Variants in PTTG1 observed in about 807,000 individuals in gnomAD.
PTTG1 encodes the protein securin.
PTTG1 carries 8 observed loss-of-function variants against 20.0 expected under a neutral mutation model. The observed-to-expected ratio is 0.40, with a 90% CI of 0.23 to 0.72. PTTG1 has a LOEUF of 0.72. Ranked by LOEUF, PTTG1 falls within the 30% of genes least tolerant of loss-of-function variation. PTTG1 has a pLI of 0.38. For synonymous variants in PTTG1, 79 were observed against 87.2 expected (o/e 0.91, Z 0.52); for missense variants, 197 against 236.0 (o/e 0.83, Z 1.08).
At chr5:160,428,485 T>C in intron 5 of PTTG1, 117 bp from the exon 6 acceptor site, 2 of 869,542 alleles carry the variant, frequency 2.3e-6, no homozygotes, top group Non-Finnish European at 3.8e-6. Flanking sequence ...GGGATGCAGG[T>C]GATTGATTTG....
chr5:160,424,378 T>G, intron 4 of PTTG1, 48 bp downstream of exon 4: 1 of 1,324,944 alleles, frequency 7.5e-7, no homozygotes, highest in Non-Finnish European at 1.1e-6. Context: ...TTTAGTTTCT[T>G]AGTATTCAGC....
At chr5:160,424,360 T>C (rs756557349) in intron 4 of PTTG1, 30 bp downstream of exon 4, 7 of 1,487,134 alleles carry the variant, frequency 4.7e-6, no homozygotes, top group Non-Finnish European at 5.6e-6. Flanking sequence ...CGAAAAGTGC[T>C]TTTGGCCTTT....
intron 4 of PTTG1, among the ~76,000 whole-genome samples, 184 bp from the exon 5 acceptor site, chr5:160,427,531 A>G (rs539108657): frequency 6.6e-6 from 1 of 152,328 alleles, no homozygotes; most frequent in Non-Finnish European, 1.5e-5. Flanking sequence ...AGGCACCAGC[A>G]GCTTTCTCCA....
At chr5:160,422,592 C>T in intron 2 of PTTG1, 117 bp from the exon 3 acceptor site, 2 of 1,212,280 alleles carry the variant, frequency 1.6e-6, no homozygotes, top group Non-Finnish European at 2.4e-6. Context: ...ATAGCCATGC[C>T]ACTACCAAAA....
At chr5:160,422,249 A>G (rs1202248346) in intron 1 of PTTG1, 53 bp from the exon 2 acceptor site, 3 of 1,337,778 alleles carry the variant, frequency 2.2e-6, no homozygotes, top group African/African-American at 2.9e-5. Flanking sequence ...ATGTTGCTAT[A>G]CCTTTGCTTC....
In PTTG1 at chr5:160,427,770, T is replaced by C. The variant is rs1446769703; in HGVS notation, c.426T>C (p.Ser142=). 2 of 1,614,134 alleles carry C rather than the reference T, an allele frequency of 1.2e-6. No homozygotes were observed. Among genetic ancestry groups the C allele is most frequent in the Admixed American group, 1.7e-5 (1 of 60,026 alleles). Residue 142 remains serine, a synonymous_variant, in exon 5 of 6, where the codon AGT becomes AGC. Transcript: ENST00000352433. ...EEHQIAHLPL[S]GVPLMILDEE... ...ACCAGATTGCGCACCTCCCCTTGAG[T>C]GGAGTGCCTCTCATGATCCTTGACG...
chr5:160,424,535 G>A, intron 4 of PTTG1: 2 of 493,428 alleles, frequency 4.1e-6, no homozygotes, highest in Non-Finnish European at 7.2e-6. Context: ...GAACAAAGAT[G>A]TAGAAGACAT....
chr5:160,425,025 A>G (rs1347573359), intron 4 of PTTG1, among the ~76,000 whole-genome samples: 1 of 152,208 alleles, frequency 6.6e-6, no homozygotes, highest in Non-Finnish European at 1.5e-5. Context: ...AAGAGACTAA[A>G]GTGGTTCTAG....
intron 3 of PTTG1, among the ~76,000 whole-genome samples, chr5:160,423,579 C>G (rs778042177): frequency 1.1e-4 from 17 of 152,180 alleles, no homozygotes; most frequent in Non-Finnish European, 2.5e-4. Context: ...ATATTAAATA[C>G]AGGAATTGCA....
At chr5:160,424,740 G>T in intron 4 of PTTG1, 1 of 154,484 alleles carries the variant, frequency 6.5e-6, no homozygotes, top group Non-Finnish European at 1.4e-5. Flanking sequence ...GTGAAGACAT[G>T]TTTTTCAAAT....
At chr5:160,421,963 C>CGGCTGG in intron 1 of PTTG1, 72 bp downstream of exon 1, 1 of 176,222 alleles carries the variant, frequency 5.7e-6, no homozygotes, top group South Asian at 9.7e-5. Flanking sequence ...GCTGCGGCTG[C>CGGCTGG]GGCTGGGGCT....
chr5:160,421,985 T>G, intron 1 of PTTG1, 94 bp downstream of exon 1: 1 of 199,934 alleles, frequency 5.0e-6, no homozygotes, highest in African/African-American at 2.3e-5. Flanking sequence ...AAGCTGGGGC[T>G]GGGGTTGGGG....
chr5:160,422,490 A>AT, intron 2 of PTTG1, 87 bp downstream of exon 2: 1 of 1,235,768 alleles, frequency 8.1e-7, no homozygotes. Context: ...TTTTTGGGCA[A>AT]TTGGAGTCGT....
chr5:160,425,835 A>G (rs1328981972), intron 4 of PTTG1, among the ~76,000 whole-genome samples: 1 of 152,300 alleles, frequency 6.6e-6, no homozygotes, highest in East Asian at 1.9e-4. Flanking sequence ...GTAAAAGAGC[A>G]GACTAATTCT....
chr5:160,422,587 C>A, intron 2 of PTTG1, 122 bp from the exon 3 acceptor site: 1 of 1,167,474 alleles, frequency 8.6e-7, no homozygotes, highest in Non-Finnish European at 1.3e-6. Context: ...CTATCATAGC[C>A]ATGCCACTAC....
chr5:160,425,511 T>C (rs1765788428), intron 4 of PTTG1, among the ~76,000 whole-genome samples: 1 of 152,262 alleles, frequency 6.6e-6, no homozygotes, highest in African/African-American at 2.4e-5. Context: ...GTCTGCTTCC[T>C]CCAGGTTCAC....
intron 4 of PTTG1, among the ~76,000 whole-genome samples, chr5:160,426,543 G>T (rs1347833648): frequency 6.6e-6 from 1 of 152,024 alleles, no homozygotes; most frequent in Non-Finnish European, 1.5e-5. Context: ...AAAATCCATT[G>T]GTCTATTTTG....
At position 160,422,848 on chromosome 5, in the gene PTTG1, C is replaced by G; in HGVS notation, c.231C>G (p.Thr77=). Residue 77 remains threonine (T), a synonymous_variant, in exon 3 of 6, where the codon ACC becomes ACG. Coordinates refer to ENST00000352433, the MANE Select transcript of PTTG1 (RefSeq NM_004219.4). Reference sequence around the variant, plus strand: ...GAGCTACAGAAAAGTCTGTAAAGACCAAGGGACCCCTCAAACAAAAACAGC... The same window carrying G: ...GAGCTACAGAAAAGTCTGTAAAGACGAAGGGACCCCTCAAACAAAAACAGC... The part of the protein sequence containing the change: ...VNRATEKSVK[T]KGPLKQKQPS... 1 of 1,614,098 alleles carries G rather than the reference C, an allele frequency of 6.2e-7. No individual in the cohort carries two copies. Among genetic ancestry groups the G allele is most frequent in the Non-Finnish European group, 8.5e-7 (1 of 1,180,020 alleles).
intron 3 of PTTG1, among the ~76,000 whole-genome samples, chr5:160,423,858 ATAATT>A (rs1307744440): frequency 6.6e-6 from 1 of 152,200 alleles, no homozygotes; most frequent in African/African-American, 2.4e-5. Context: ...AACCAAGCAA[ATAATT>A]TAAGGTAACA....
Sources: gnomAD v4.1 joint callset for allele counts (sites outside exome capture counted in the v4.1 genomes callset) on GRCh38, gnomAD v4.1.1 for gene constraint, MANE v1.5 for transcripts, NCBI Gene and HGNC (gene_info 2026-07-23, HGNC 2026-07-21) for gene names.